The following THBS2 variants were observed in gnomAD, a reference collection of about 807,000 sequenced individuals.
The protein encoded by THBS2 is thrombospondin 2, also known as thrombospondin-2.
A neutral mutation model predicts 135.2 loss-of-function variants in THBS2; 47 were observed. The ratio of observed to expected loss-of-function variants is 0.35; its 90% CI spans 0.28 to 0.44. The LOEUF is 0.44. Among genes scored for constraint, THBS2 ranks in the 20% least tolerant of loss-of-function variants. The pLI, the probability that THBS2 is intolerant of heterozygous loss-of-function variation, is 1.00. For missense variants in THBS2, 1,288 were observed against 1,603.1 expected, an observed-to-expected ratio of 0.80 and a Z score of 3.36; for synonymous variants, 639 against 633.8, an observed-to-expected ratio of 1.01 and a Z score of -0.12.
rs1780270226 is a variant in THBS2, at chr6:169,241,010, C to G, written c.892-418G>C. ...CCACCCTCCCTGCCCCGGTCTCCTG[C>G]CATCGACCCCCTCCCTGCCCCAGGC... On this transcript the variant is annotated intron_variant, in intron 5 of 21. Coordinates refer to ENST00000617924, the MANE Select transcript of THBS2 (RefSeq NM_003247.5). The surrounding 1 kb of genome is among the most constrained non-coding windows in gnomAD (Gnocchi z 5.5). Among the ~76,000 whole-genome samples, 1 of 149,722 alleles carries G rather than the reference C, an allele frequency of 6.7e-6. No homozygotes were observed. Among genetic ancestry groups the G allele is most frequent in the Non-Finnish European group, 1.5e-5 (1 of 67,886 alleles).
intron 21 of THBS2, among the ~76,000 whole-genome samples, chr6:169,219,550 G>A (rs1400841211): frequency 6.6e-6 from 1 of 152,140 alleles, no homozygotes; most frequent in Non-Finnish European, 1.5e-5. Flanking sequence ...TTGCCCTGTT[G>A]GCCAGGCTGG....
At chr6:169,238,364 G>T (rs931041604) in intron 7 of THBS2, among the ~76,000 whole-genome samples, 1 of 152,104 alleles carries the variant, frequency 6.6e-6, no homozygotes, top group Non-Finnish European at 1.5e-5. Context: ...GCAACCTGAC[G>T]CCAGAAATCA....
chr6:169,237,097 C>T, intron 9 of THBS2, 73 bp downstream of exon 9: 1 of 1,513,848 alleles, frequency 6.6e-7, no homozygotes. Flanking sequence ...CGGATCCCGG[C>T]TCCAGCTGTG....
Position 169,248,825 on chromosome 6 carries a change from G to A in THBS2, c.201C>T (p.Asn67=), listed in dbSNP as rs768776994. The change falls in exon 3 of 22, where the codon AAC becomes AAT. Residue 67 remains asparagine, a synonymous_variant. Coordinates refer to ENST00000617924, the MANE Select transcript of THBS2 (RefSeq NM_003247.5). ...TGGTGATCTTGCTGAGGTCATCTGC[G>A]TTCACCGGTGGGATGTAGTCAAAGC... is the stretch of plus-strand genomic sequence containing the variant. The part of the protein sequence containing the change: ...FVRFDYIPPV[N]ADDLSKITKI... The A allele has an allele frequency of 1.1e-5, 18 of 1,610,828 alleles. No homozygotes were observed. The Admixed American group carries it at 2.2e-4, about 19-fold the overall frequency.
rs775656736 is a variant in THBS2, at chr6:169,216,638, A to G, written c.*1184T>C. 2 of 152,088 alleles carry G rather than the reference A, an allele frequency of 1.3e-5. No individual in the cohort carries two copies. The highest frequency in any genetic ancestry group is 1.9e-4 in the East Asian group (1 of 5,198). 9.4% of individuals were successfully genotyped at this position (152,088 alleles called of 1,614,324 possible). On this transcript the variant is annotated 3_prime_UTR_variant, in exon 22 of 22. Coordinates refer to ENST00000617924, the MANE Select transcript of THBS2 (RefSeq NM_003247.5). Reference sequence around the variant, plus strand: ...CATCATAAACTCCTCATTATTCTCTATGTATTCTGTTACAGCTTCTAGCAT... The same window carrying G: ...CATCATAAACTCCTCATTATTCTCTGTGTATTCTGTTACAGCTTCTAGCAT...
At chr6:169,232,515 A>C (rs1421419080) in intron 12 of THBS2, 149 bp downstream of exon 12, 2 of 1,349,002 alleles carry the variant, frequency 1.5e-6, no homozygotes, top group Admixed American at 4.6e-5. Context: ...GGCCCAGCCG[A>C]GCAGGTGCTC....
Position 169,222,293 on chromosome 6 carries a change from G to A in THBS2, c.3177C>T (p.Gly1059=). Residue 1059 remains glycine (G), a synonymous_variant, in exon 19 of 22, where the codon GGC becomes GGT. Coordinates refer to ENST00000617924, the MANE Select transcript of THBS2 (RefSeq NM_003247.5). ...YWEDQPTRAY[G]YSGVSLKVVN... ...CCACCTTGAGGGACACGCCGGAGTA[G>A]CCATAGGCCCGCGTGGGCTGGTCCT... is the stretch of plus-strand genomic sequence containing the variant. 1 of 1,613,442 alleles carries A rather than the reference G, an allele frequency of 6.2e-7. No homozygotes were observed. Among genetic ancestry groups the A allele is most frequent in the Non-Finnish European group, 8.5e-7 (1 of 1,180,034 alleles).
chr6:169,233,052 C>T (rs1392699510), intron 10 of THBS2, 35 bp from the exon 11 acceptor site: 12 of 1,496,436 alleles, frequency 8.0e-6, no homozygotes, highest in Non-Finnish European at 1.1e-5. Flanking sequence ...GTTCACCACG[C>T]GCCCTGCGCA....
At chr6:169,223,501 A>T (rs1779506954) in intron 17 of THBS2, 26 bp from the exon 18 acceptor site, 1 of 1,599,776 alleles carries the variant, frequency 6.3e-7, no homozygotes, top group Admixed American at 1.7e-5. Context: ...AAGCAAAAAC[A>T]AAAACAAAAA....
At chr6:169,235,690 C>T (rs1780008757) in intron 9 of THBS2, among the ~76,000 whole-genome samples, 1 of 150,986 alleles carries the variant, frequency 6.6e-6, no homozygotes, top group Non-Finnish European at 1.5e-5. Flanking sequence ...ACACTCACTG[C>T]CCATCCACAC....
intron 2 of THBS2, among the ~76,000 whole-genome samples, chr6:169,249,709 A>G (rs981585607): frequency 6.6e-6 from 1 of 152,218 alleles, no homozygotes; most frequent in Non-Finnish European, 1.5e-5. Flanking sequence ...AAGAAAAGTG[A>G]TCAGATCTCA....
rs199888693 is a variant in THBS2, at chr6:169,242,668, A to ACTG, written c.695-711_695-710insCAG. On this transcript the variant is annotated intron_variant, in intron 4 of 21. Transcript: ENST00000617924. ...TTCCCACCACTCCCACCTTCCCACC[A>ACTG]CTCCCACCTTCCCACCTTCCCATCT... Among the ~76,000 whole-genome samples the ACTG allele has an allele frequency of 4.8e-4, 5 of 10,400 alleles. 1 individual carries two copies. The highest frequency in any genetic ancestry group is 5.3e-4 in the Non-Finnish European group (3 of 5,610). 6.8% of individuals were successfully genotyped at this position (10,400 alleles called of 152,430 possible).
At chr6:169,221,384 T>C (rs1212729572) in intron 20 of THBS2, 46 bp downstream of exon 20, 2 of 1,557,840 alleles carry the variant, frequency 1.3e-6, no homozygotes, top group East Asian at 2.2e-5. Flanking sequence ...TGCCGTCCGA[T>C]GGGAAGCCCC....
At chr6:169,221,628 C>G in intron 19 of THBS2, 101 bp from the exon 20 acceptor site, 1 of 982,318 alleles carries the variant, frequency 1.0e-6, no homozygotes, top group South Asian at 1.3e-5. Context: ...TTTGCAAGTT[C>G]ATGCTTAAGG....
intron 15 of THBS2, among the ~76,000 whole-genome samples, chr6:169,227,455 A>G (rs1183537085): frequency 6.6e-6 from 1 of 152,188 alleles, no homozygotes; most frequent in Non-Finnish European, 1.5e-5. Flanking sequence ...TCTAACTCCT[A>G]GAAGCTCAGT....
rs1306462507 is a variant in THBS2, at chr6:169,223,134, T to G, written c.3001+114A>C. On this transcript the variant is annotated intron_variant, in intron 18 of 21. Transcript: ENST00000617924. ...CACAGACCATGGAAGGATGGGGGCT[T>G]CCAGAAAGACCACATGGCATCCCAC... 5.1e-6 allele frequency: 5 copies of G among 980,592 alleles called. No individual in the cohort carries two copies. In the East Asian group the frequency reaches 1.3e-4, roughly 26 times the overall value. 60.7% of individuals were successfully genotyped at this position (980,592 alleles called of 1,614,324 possible). A position where few individuals can be genotyped will look rare whatever the true frequency, so the allele number is the denominator to read the frequency against.
rs1583417262 is a variant in THBS2 at position 169,241,269 on chromosome 6, C to T, written c.891+493G>A. ...TGCCCGTCCTGAGCCCCGCAGGCAT[C>T]GCTCTCTCTTCCTGGCCGCGCTGTG... On this transcript the variant is annotated intron_variant, in intron 5 of 21. Transcript: ENST00000617924. The surrounding 1 kb of genome is among the most constrained non-coding windows in gnomAD (Gnocchi z 5.5). 6.6e-6 allele frequency among the ~76,000 whole-genome samples: 1 copy of T among 152,164 alleles called. No individual in the cohort carries two copies. Among genetic ancestry groups the T allele is most frequent in the African/African-American group, 2.4e-5 (1 of 41,444 alleles).
chr6:169,232,540 A>G, intron 12 of THBS2, 124 bp downstream of exon 12: 1 of 1,459,128 alleles, frequency 6.9e-7, no homozygotes, highest in Non-Finnish European at 9.2e-7. Context: ...TCCCCGGGCC[A>G]GCCCCTCCCA....
At chr6:169,233,130 G>T in intron 10 of THBS2, 113 bp from the exon 11 acceptor site, 1 of 1,370,100 alleles carries the variant, frequency 7.3e-7, no homozygotes, top group Non-Finnish European at 9.6e-7. Flanking sequence ...GAATTGTGTA[G>T]TCAGGAACAC....
Sources: gnomAD v4.1 joint callset for allele counts (sites outside exome capture counted in the v4.1 genomes callset) on GRCh38, gnomAD v4.1.1 for gene constraint, Gnocchi (gnomAD v3.1) non-coding constraint, MANE v1.5 for transcripts, NCBI Gene and HGNC (gene_info 2026-07-23, HGNC 2026-07-21) for gene names.